Variants in PTPRZ1 observed in about 807,000 individuals in gnomAD.
PTPRZ1 encodes receptor-type tyrosine-protein phosphatase zeta.
In PTPRZ1, 82 loss-of-function variants were observed where a neutral mutation model predicts 214.1. That is an observed-to-expected ratio of 0.38 (90% CI 0.32 to 0.46). The LOEUF (loss-of-function observed/expected upper bound fraction) is 0.46, where lower values mean the gene tolerates loss of function less well. Ranked by LOEUF, PTPRZ1 falls within the 20% of genes least tolerant of loss-of-function variation. The pLI, the probability that PTPRZ1 is intolerant of heterozygous loss-of-function variation, is 1.00. For missense variants in PTPRZ1, 2,603 were observed against 2,748.7 expected (o/e 0.95, Z 1.19); for synonymous variants, 945 against 987.9 (o/e 0.96, Z 0.81).
At chr7:121,873,638 T>TGCC (rs747244152) in intron 1 of PTPRZ1, 81 bp downstream of exon 1, 43 of 1,513,482 alleles carry the variant, frequency 2.8e-5, no homozygotes, top group African/African-American at 2.3e-4. Flanking sequence ...GTCCGCGACT[T>TGCC]GCCGCCGCCG....
At chr7:122,008,164 T>C (rs555244057) in intron 11 of PTPRZ1, among the ~76,000 whole-genome samples, 1 of 152,198 alleles carries the variant, frequency 6.6e-6, no homozygotes, top group African/African-American at 2.4e-5. Context: ...GATGTTTATG[T>C]GGAAATATAA....
rs1484452680 is a variant in PTPRZ1, at chr7:122,042,615, G to T, written c.5809G>T (p.Val1937Phe). Reference protein sequence around the residue: ...GPVVVHCSAGVGRTGTYIVLD... With the variant: ...GPVVVHCSAGFGRTGTYIVLD... The stretch of plus-strand genomic sequence containing the variant: ...TCTTGGTCTTCTCTTCAGTGCTGGA[G>T]TTGGAAGAACAGGCACATATATTGT... Residue 1937 changes from valine (V) to phenylalanine (F), a missense_variant, in exon 22 of 30, where the codon GTT (valine) becomes TTT (phenylalanine). Physicochemically the swap from Val to Phe is conservative, Grantham distance 50. Transcript: ENST00000393386. The T allele has an allele frequency of 5.6e-6, 9 of 1,596,110 alleles. No homozygotes were observed. The highest frequency in any genetic ancestry group is 7.7e-6 in the Non-Finnish European group (9 of 1,168,358).
chr7:122,004,704 G>A (rs1182651812), intron 11 of PTPRZ1, 44 bp downstream of exon 11: 3 of 1,129,746 alleles, frequency 2.7e-6, no homozygotes, highest in Non-Finnish European at 3.8e-6. Context: ...ATATTAAATG[G>A]TCTATTTTGA....
chr7:121,888,818 G>A (rs759373135), intron 1 of PTPRZ1, among the ~76,000 whole-genome samples: 11 of 152,094 alleles, frequency 7.2e-5, no homozygotes, highest in Non-Finnish European at 1.3e-4. Context: ...ACTACTTGTT[G>A]AAATAGTGAT....
intron 2 of PTPRZ1, among the ~76,000 whole-genome samples, chr7:121,954,170 A>G (rs772606733): frequency 1.3e-5 from 2 of 152,110 alleles, no homozygotes; most frequent in Non-Finnish European, 2.9e-5. Context: ...TAACTGACCT[A>G]TCTCCTTCAG....
chr7:121,905,845 T>C (rs73437125), intron 1 of PTPRZ1, among the ~76,000 whole-genome samples: 13,492 of 152,252 alleles, frequency 0.089, 1,643 homozygotes, highest in African/African-American at 0.28. Context: ...CCACTTGCTC[T>C]TTCTTTTACA....
chr7:121,931,340 A>C (rs1373620972), intron 2 of PTPRZ1, among the ~76,000 whole-genome samples: 1 of 152,126 alleles, frequency 6.6e-6, no homozygotes, highest in African/African-American at 2.4e-5. Flanking sequence ...CAGAAGTGAA[A>C]CTAGAAGGAG....
At chr7:122,027,979 A>G (rs1380704883) in intron 13 of PTPRZ1, among the ~76,000 whole-genome samples, 1 of 152,114 alleles carries the variant, frequency 6.6e-6, no homozygotes, top group Non-Finnish European at 1.5e-5. Context: ...TTTTTCATCA[A>G]AATGTTACCA....
chr7:121,953,921 G>T (rs950986781), intron 2 of PTPRZ1, among the ~76,000 whole-genome samples: 1 of 152,180 alleles, frequency 6.6e-6, no homozygotes, highest in Non-Finnish European at 1.5e-5. Context: ...AAATGATGCT[G>T]TGGCTTTTGG....
At chr7:122,054,128 T>C (rs1020471469) in intron 26 of PTPRZ1, 90 bp downstream of exon 26, 52 of 1,443,776 alleles carry the variant, frequency 3.6e-5, no homozygotes, top group Non-Finnish European at 4.7e-5. Flanking sequence ...ACAAGCAAAG[T>C]AATTTTGTTT....
chr7:121,972,209 C>G (rs1274191127), intron 3 of PTPRZ1, among the ~76,000 whole-genome samples: 1 of 150,998 alleles, frequency 6.6e-6, no homozygotes, highest in Non-Finnish European at 1.5e-5. Context: ...TTTGCTCTGT[C>G]TTCTTATTAC....
chr7:121,998,723 A>G (rs534839756), intron 10 of PTPRZ1, among the ~76,000 whole-genome samples: 1 of 152,180 alleles, frequency 6.6e-6, no homozygotes, highest in Non-Finnish European at 1.5e-5. Context: ...TAGTGTAAGC[A>G]GTTTTAAATA....
chr7:121,922,994 G>A (rs184366993), intron 1 of PTPRZ1, among the ~76,000 whole-genome samples: 1 of 152,124 alleles, frequency 6.6e-6, no homozygotes, highest in African/African-American at 2.4e-5. Context: ...AGAAATCTAG[G>A]TAAGAAGAGA....
chr7:121,890,630 C>T (rs1794563919), intron 1 of PTPRZ1, among the ~76,000 whole-genome samples: 2 of 152,012 alleles, frequency 1.3e-5, no homozygotes, highest in East Asian at 1.9e-4. Context: ...GCCCCAAATG[C>T]TCTGGCCTCC....
intron 2 of PTPRZ1, among the ~76,000 whole-genome samples, chr7:121,932,317 T>G (rs1795948828): frequency 6.6e-6 from 1 of 152,212 alleles, no homozygotes; most frequent in African/African-American, 2.4e-5. Flanking sequence ...ATTTAAAGTT[T>G]GGTAGTATTT....
chr7:121,969,096 G>T (rs1340392042), intron 3 of PTPRZ1, among the ~76,000 whole-genome samples: 1 of 151,946 alleles, frequency 6.6e-6, no homozygotes, highest in Admixed American at 6.6e-5. Context: ...AAATTAGCTG[G>T]GTGTGGTGGC....
chr7:121,995,499 A>T (rs1220290222), intron 8 of PTPRZ1, among the ~76,000 whole-genome samples: 1 of 152,164 alleles, frequency 6.6e-6, no homozygotes, highest in Non-Finnish European at 1.5e-5. Context: ...TTATAAGTGC[A>T]TTTTGGAAAG....
intron 1 of PTPRZ1, among the ~76,000 whole-genome samples, chr7:121,897,882 A>T (rs1188873447): frequency 6.6e-6 from 1 of 152,186 alleles, no homozygotes; most frequent in East Asian, 1.9e-4. Flanking sequence ...ATGACTTATT[A>T]CTTATTTGGC....
chr7:121,908,380 ATACATC>A, intron 1 of PTPRZ1: 2 of 350,198 alleles, frequency 5.7e-6, no homozygotes, highest in Non-Finnish European at 5.4e-6. Flanking sequence ...AATATCAACT[ATACATC>A]ATCTGTATTT....
Sources: gnomAD v4.1 joint callset for allele counts (sites outside exome capture counted in the v4.1 genomes callset) on GRCh38, gnomAD v4.1.1 for gene constraint, MANE v1.5 for transcripts, NCBI Gene and HGNC (gene_info 2026-07-23, HGNC 2026-07-21) for gene names.